CNTNAP2: variants seen among roughly 807,000 people sequenced by gnomAD.
CNTNAP2 encodes contactin-associated protein-like 2.
A neutral mutation model predicts 155.2 loss-of-function variants in CNTNAP2; 98 were observed. The observed-to-expected ratio is 0.63, with a 90% CI of 0.54 to 0.75. CNTNAP2 has a LOEUF of 0.75. CNTNAP2 is among the 30% of genes least tolerant of loss of function. The pLI is 0.00. For synonymous variants in CNTNAP2, 651 were observed against 631.2 expected (o/e 1.03, Z -0.47); for missense variants, 1,727 against 1,688.1 (o/e 1.02, Z -0.40).
intron 13 of CNTNAP2, among the ~76,000 whole-genome samples, chr7:147,826,223 G>T (rs1333300647): frequency 6.6e-6 from 1 of 152,164 alleles, no homozygotes; most frequent in Non-Finnish European, 1.5e-5. Flanking sequence ...TAGGGAAAAA[G>T]TAATTGGATA....
intron 3 of CNTNAP2, among the ~76,000 whole-genome samples, chr7:146,944,502 T>G (rs1797117632): frequency 6.6e-6 from 1 of 152,050 alleles, no homozygotes; most frequent in South Asian, 2.1e-4. Flanking sequence ...TAATGTTAAG[T>G]GGATAAGGTA....
intron 14 of CNTNAP2, among the ~76,000 whole-genome samples, chr7:147,963,861 A>G (rs1223068734): frequency 6.6e-6 from 1 of 152,124 alleles, no homozygotes; most frequent in Non-Finnish European, 1.5e-5. Flanking sequence ...TGCTTGGAAG[A>G]CCAAATGTCT....
intron 21 of CNTNAP2, among the ~76,000 whole-genome samples, chr7:148,335,040 T>C (rs1387540821): frequency 6.6e-6 from 1 of 152,188 alleles, no homozygotes; most frequent in African/African-American, 2.4e-5. Context: ...CTTAGCCAAA[T>C]TCCCTCTCAG....
chr7:148,225,870 G>A (rs2116772170), intron 19 of CNTNAP2, among the ~76,000 whole-genome samples: 1 of 152,294 alleles, frequency 6.6e-6, no homozygotes, highest in East Asian at 1.9e-4. Context: ...ATAACTGGAA[G>A]GATGAATTGG....
chr7:146,975,651 A>G (rs904218554), intron 3 of CNTNAP2, among the ~76,000 whole-genome samples: 5 of 152,170 alleles, frequency 3.3e-5, no homozygotes, highest in Admixed American at 2.0e-4. Context: ...AGACACACAG[A>G]CAATAACAGC....
At chr7:147,469,530 TTTCTG>T (rs1272836130) in intron 10 of CNTNAP2, among the ~76,000 whole-genome samples, 2 of 75,132 alleles carry the variant, frequency 2.7e-5, no homozygotes, top group Admixed American at 1.4e-4. Flanking sequence ...TTTTTTTTTT[TTTCTG>T]TGAGACAAAG....
chr7:147,204,181 C>A (rs1241018666), intron 8 of CNTNAP2, among the ~76,000 whole-genome samples: 1 of 151,518 alleles, frequency 6.6e-6, no homozygotes, highest in Non-Finnish European at 1.5e-5. Context: ...AATAAGAGAG[C>A]AGCTTATGCC....
At chr7:148,086,182 A>G (rs913176568) in intron 15 of CNTNAP2, among the ~76,000 whole-genome samples, 2 of 152,222 alleles carry the variant, frequency 1.3e-5, no homozygotes, top group Non-Finnish European at 2.9e-5. Context: ...CCTTATGATA[A>G]TTGATAGTTA....
intron 1 of CNTNAP2, among the ~76,000 whole-genome samples, chr7:146,487,078 G>T (rs1024796131): frequency 6.6e-6 from 1 of 152,068 alleles, no homozygotes; most frequent in East Asian, 1.9e-4. Context: ...AATGAGATTC[G>T]CTAGGACCCA....
chr7:147,359,920 G>GT (rs985536190), intron 9 of CNTNAP2, among the ~76,000 whole-genome samples: 5 of 151,706 alleles, frequency 3.3e-5, no homozygotes, highest in African/African-American at 4.8e-5. Flanking sequence ...TTTGCTTATT[G>GT]TTTTTTATAA....
chr7:146,492,445 G>C (rs1797155102), intron 1 of CNTNAP2, among the ~76,000 whole-genome samples: 1 of 152,076 alleles, frequency 6.6e-6, no homozygotes, highest in African/African-American at 2.4e-5. Flanking sequence ...TTAAACATTT[G>C]GAGTTTCATC....
At chr7:146,804,764 C>T (rs1802938281) in intron 2 of CNTNAP2, among the ~76,000 whole-genome samples, 1 of 152,280 alleles carries the variant, frequency 6.6e-6, no homozygotes, top group African/African-American at 2.4e-5. Context: ...GAAATAGCTA[C>T]ACTCAACTGG....
chr7:147,633,403 G>A (rs1413499979), intron 12 of CNTNAP2, among the ~76,000 whole-genome samples: 2 of 152,218 alleles, frequency 1.3e-5, no homozygotes, highest in East Asian at 1.9e-4. Context: ...CAGTGCAGAC[G>A]AGATATGTGG....
intron 1 of CNTNAP2, among the ~76,000 whole-genome samples, chr7:146,436,266 G>C (rs1012538397): frequency 6.6e-6 from 1 of 152,122 alleles, no homozygotes; most frequent in Admixed American, 6.5e-5. Context: ...CATACAAATA[G>C]ATGATTTTTG....
intron 9 of CNTNAP2, among the ~76,000 whole-genome samples, chr7:147,306,244 T>A (rs1795023823): frequency 6.6e-6 from 1 of 152,222 alleles, no homozygotes; most frequent in Non-Finnish European, 1.5e-5. Context: ...GATTCATACT[T>A]CTAATTTTAT....
At chr7:147,879,081 C>A (rs1799474039) in intron 13 of CNTNAP2, among the ~76,000 whole-genome samples, 1 of 152,158 alleles carries the variant, frequency 6.6e-6, no homozygotes, top group African/African-American at 2.4e-5. Flanking sequence ...ATTTTGCAAT[C>A]CTTACAAATT....
At chr7:148,278,088 T>C (rs80078582) in intron 21 of CNTNAP2, among the ~76,000 whole-genome samples, 1,792 of 152,250 alleles carry the variant, frequency 0.012, 31 homozygotes, top group African/African-American at 0.041. Flanking sequence ...CTAAACTAAG[T>C]CATGTGGCCA....
chr7:146,765,239 C>T (rs1262424720), intron 1 of CNTNAP2, among the ~76,000 whole-genome samples: 1 of 152,014 alleles, frequency 6.6e-6, no homozygotes, highest in East Asian at 1.9e-4. Context: ...TTAGACAAAC[C>T]CTCTATATAA....
Position 148,127,151 on chromosome 7 carries a change from A to C in CNTNAP2, c.2554+8863A>C, listed in dbSNP as rs541012868. Among the ~76,000 whole-genome samples, 8 of 152,244 alleles carry C rather than the reference A, an allele frequency of 5.3e-5. No homozygotes were observed. The East Asian group carries it at 1.5e-3, about 29-fold the overall frequency. ...GAAACCCCATTTCTACTAAAAATAC[A>C]AAAATTAGCTGGGCGTGGTGGCACA... On this transcript the variant is annotated intron_variant, in intron 16 of 23. Coordinates refer to ENST00000361727, the MANE Select transcript of CNTNAP2 (RefSeq NM_014141.6).
Sources: gnomAD v4.1 joint callset for allele counts (sites outside exome capture counted in the v4.1 genomes callset) on GRCh38, gnomAD v4.1.1 for gene constraint, MANE v1.5 for transcripts, NCBI Gene and HGNC (gene_info 2026-07-23, HGNC 2026-07-21) for gene names.